MTHFSD: variants seen among roughly 807,000 people sequenced by gnomAD.
The protein encoded by MTHFSD is methenyltetrahydrofolate synthetase domain containing.
A neutral mutation model predicts 31.1 loss-of-function variants in MTHFSD; 37 were observed. The ratio of observed to expected loss-of-function variants is 1.19; its 90% CI spans 0.91 to 1.56. The LOEUF is 1.56. Ranked by LOEUF, MTHFSD falls within the 40% of genes most tolerant of loss-of-function variation. The pLI, the probability that MTHFSD is intolerant of heterozygous loss-of-function variation, is 0.00. For missense variants in MTHFSD, 664 were observed against 510.1 expected, an observed-to-expected ratio of 1.30 and a Z score of -2.91; for synonymous variants, 221 against 206.9, an observed-to-expected ratio of 1.07 and a Z score of -0.59.
At chr16:86,535,914 A>C (rs1970628724) in intron 7 of MTHFSD, among the ~76,000 whole-genome samples, 1 of 152,096 alleles carries the variant, frequency 6.6e-6, no homozygotes, top group Non-Finnish European at 1.5e-5. Flanking sequence ...CAGTGGCACA[A>C]CTCATAGCTC....
chr16:86,539,947 TATA>T (rs368240742), intron 7 of MTHFSD, among the ~76,000 whole-genome samples: 9 of 152,294 alleles, frequency 5.9e-5, no homozygotes, highest in Non-Finnish European at 1.2e-4. Context: ...AACCTATCAC[TATA>T]ATATCATGGA....
rs376801434 is a variant in MTHFSD at position 86,532,169 on chromosome 16, C to A, written c.994G>T (p.Val332Leu). Reference protein sequence around the residue: ...LKRALRELGSVPLRLTWQGPR... With the variant: ...LKRALRELGSLPLRLTWQGPR... Reference sequence around the variant, plus strand: ...CCCTGCCAGGTGAGCCGCAGGGGCACGGAGCCGAGTTCCCGCAGGGCTCTC... The same window carrying A: ...CCCTGCCAGGTGAGCCGCAGGGGCAAGGAGCCGAGTTCCCGCAGGGCTCTC... Residue 332 changes from valine to leucine, a missense_variant, in exon 8 of 8, where the codon GTG becomes TTG. Physicochemically the swap from Val to Leu is conservative, Grantham distance 32. Coordinates refer to ENST00000360900, the MANE Select transcript of MTHFSD (RefSeq NM_001159377.2). The A allele has an allele frequency of 6.4e-6, 10 of 1,572,086 alleles. No homozygotes were observed. Among genetic ancestry groups the A allele is most frequent in the African/African-American group, 1.4e-5 (1 of 73,634 alleles).
At chr16:86,547,028 C>T (rs891378268) in intron 4 of MTHFSD, 23 of 466,800 alleles carry the variant, frequency 4.9e-5, no homozygotes, top group African/African-American at 4.4e-4. Flanking sequence ...GGCTGGAGCT[C>T]TCTGAGCCTC....
intron 3 of MTHFSD, among the ~76,000 whole-genome samples, chr16:86,551,585 G>A (rs1288221382): frequency 6.6e-6 from 1 of 152,296 alleles, no homozygotes; most frequent in South Asian, 2.1e-4. Context: ...GTTCTTAACC[G>A]TGGTCTTTAT....
At chr16:86,543,181 G>C (rs1354406032) in intron 5 of MTHFSD, among the ~76,000 whole-genome samples, 1 of 152,224 alleles carries the variant, frequency 6.6e-6, no homozygotes, top group East Asian at 1.9e-4. Flanking sequence ...TCCTAATTAG[G>C]TGCAAATCAA....
chr16:86,530,695 G>A lies in MTHFSD; in HGVS notation c.*1316C>T, dbSNP rs1325091747. 6.6e-6 allele frequency: 1 copy of A among 152,242 alleles called. No homozygotes were observed. Among genetic ancestry groups the A allele is most frequent in the African/African-American group, 2.4e-5 (1 of 41,458 alleles). 9.4% of individuals were successfully genotyped at this position (152,242 alleles called of 1,614,324 possible). The stretch of plus-strand genomic sequence containing the variant: ...GAGAAAAGAAGGTGAGGAGTTCAGT[G>A]TAACCAGGTGACTACTCTGAACTGG... On this transcript the variant is annotated 3_prime_UTR_variant, in exon 8 of 8. Transcript: ENST00000360900.
At chr16:86,553,974 C>A (rs1973617127) in intron 2 of MTHFSD, among the ~76,000 whole-genome samples, 1 of 152,178 alleles carries the variant, frequency 6.6e-6, no homozygotes, top group South Asian at 2.1e-4. Flanking sequence ...TTGTGTCTAG[C>A]TCAGGGATTG....
chr16:86,535,979 T>C (rs1035786078), intron 7 of MTHFSD, among the ~76,000 whole-genome samples: 3 of 152,154 alleles, frequency 2.0e-5, no homozygotes, highest in African/African-American at 7.2e-5. Flanking sequence ...GCCTCCCAAG[T>C]AGCTGGCACT....
At chr16:86,546,343 A>T (rs1194480590) in intron 5 of MTHFSD, among the ~76,000 whole-genome samples, 2 of 152,242 alleles carry the variant, frequency 1.3e-5, no homozygotes, top group Non-Finnish European at 2.9e-5. Context: ...TTTCCTGCTA[A>T]GAAAAGTGAA....
At chr16:86,536,604 C>T (rs1970725945) in intron 7 of MTHFSD, among the ~76,000 whole-genome samples, 2 of 152,250 alleles carry the variant, frequency 1.3e-5, no homozygotes, top group African/African-American at 4.8e-5. Flanking sequence ...TGTACCCCAA[C>T]ATCAGGAAGG....
rs1970086541 is a variant in MTHFSD at position 86,532,344 on chromosome 16, CAG to C, written c.817_818del (p.Leu273GlufsTer48). On this transcript the variant is annotated frameshift_variant, in exon 8 of 8. Transcript: ENST00000360900. LOFTEE classifies it low-confidence loss of function (END_TRUNC). ...TGTCCGGGGGCCTCCTGCCAACACT[CAG>C]GGGCACTGTCTGCTGGCAGCCTGGT... is the stretch of plus-strand genomic sequence containing the variant. ...PEPGCQQTVP[L>X]SVGRRPPDTP... is the part of the protein sequence containing the mutation. The C allele has an allele frequency of 1.3e-6, 2 of 1,593,348 alleles. No individual in the cohort carries two copies. The highest frequency in any genetic ancestry group is 1.7e-6 in the Non-Finnish European group (2 of 1,170,608).
chr16:86,548,510 G>C lies in MTHFSD; in HGVS notation c.305C>G (p.Pro102Arg). The change falls in exon 4 of 8, where the codon CCC (proline) becomes CGC (arginine). Residue 102 changes from proline (P) to arginine (R), a missense_variant. Physicochemically the swap from Pro to Arg is moderately radical, Grantham distance 103. Transcript: ENST00000360900. ...RTGLFNKITP[P>R]PGATKDILRK... Reference sequence around the variant, plus strand: ...CAAGATGTCTTTAGTTGCCCCAGGGGGTGGTGTGATCTTATTAAACAATCC... The same window carrying C: ...CAAGATGTCTTTAGTTGCCCCAGGGCGTGGTGTGATCTTATTAAACAATCC... 1.2e-6 allele frequency: 2 copies of C among 1,613,850 alleles called. No individual in the cohort carries two copies. Among genetic ancestry groups the C allele is most frequent in the Non-Finnish European group, 1.7e-6 (2 of 1,179,950 alleles).
At chr16:86,538,083 T>C (rs1365863275) in intron 7 of MTHFSD, among the ~76,000 whole-genome samples, 1 of 152,252 alleles carries the variant, frequency 6.6e-6, no homozygotes, top group Non-Finnish European at 1.5e-5. Flanking sequence ...GACCACAGGC[T>C]TGTGGGTGCC....
rs537828690 is a variant in MTHFSD at position 86,553,439 on chromosome 16, G to A, written c.123+1206C>T. 1.1e-3 allele frequency: 163 copies of A among 152,872 alleles called. 1 individual carries two copies. The highest frequency in any genetic ancestry group is 2.3e-3 in the East Asian group (12 of 5,196). The allele number at this position is 152,872 out of a possible 1,614,324, so 9.5% of individuals were successfully genotyped here. On this transcript the variant is annotated intron_variant, in intron 2 of 7. Transcript: ENST00000360900. ...CTGGGCGGTGTGGAGGGAGAGGCGC[G>A]GGCGGGAACTGCTGCTGTGCATGGT...
Position 86,541,692 on chromosome 16 carries a change from C to CCCACCTTGAA in MTHFSD, c.676_681+4dup. On this transcript the variant is annotated splice_donor_region_variant and intron_variant, in intron 7 of 7. Transcript: ENST00000360900. ...AGGCCAGAGCTGGCCACTGCCGTGA[C>CCCACCTTGAA]CCACCTTGAACCAGGTGATTCCCAT... 6.2e-7 allele frequency: 1 copy of CCCACCTTGAA among 1,612,388 alleles called. No individual in the cohort carries two copies. Among genetic ancestry groups the CCCACCTTGAA allele is most frequent in the South Asian group, 1.1e-5 (1 of 90,516 alleles).
rs373861750 is a variant in MTHFSD at position 86,554,014 on chromosome 16, CGGACCAATCGGCTCTCTGTAAAAT to C, written c.123+607_123+630del. Among the ~76,000 whole-genome samples, 13 of 152,246 alleles carry C rather than the reference CGGACCAATCGGCTCTCTGTAAAAT, an allele frequency of 8.5e-5. No homozygotes were observed. The East Asian group carries it at 1.5e-3, about 18-fold the overall frequency. On this transcript the variant is annotated intron_variant, in intron 2 of 7. Transcript: ENST00000360900. The stretch of plus-strand genomic sequence containing the variant: ...CGCACCAATCAGCATCCTGTCAAAA[CGGACCAATCGGCTCTCTGTAAAAT>C]GGACCAATCAGCAGGATGTGGGTGG...
At chr16:86,537,680 G>T (rs544374150) in intron 7 of MTHFSD, among the ~76,000 whole-genome samples, 2 of 152,350 alleles carry the variant, frequency 1.3e-5, no homozygotes, top group South Asian at 4.1e-4. Flanking sequence ...TCCCAGGACT[G>T]CTGCTCACAG....
chr16:86,553,926 T>G (rs1973603646), intron 2 of MTHFSD, among the ~76,000 whole-genome samples: 1 of 152,168 alleles, frequency 6.6e-6, no homozygotes, highest in South Asian at 2.1e-4. Flanking sequence ...CAATGGGCAC[T>G]CTGTATGTAG....
At chr16:86,535,691 G>A (rs943110812) in intron 7 of MTHFSD, among the ~76,000 whole-genome samples, 4 of 152,104 alleles carry the variant, frequency 2.6e-5, no homozygotes, top group Admixed American at 1.3e-4. Flanking sequence ...CAAGATTTCC[G>A]ATTGAGAGTC....
Sources: gnomAD v4.1 joint callset for allele counts (sites outside exome capture counted in the v4.1 genomes callset) on GRCh38, gnomAD v4.1.1 for gene constraint, MANE v1.5 for transcripts, NCBI Gene and HGNC (gene_info 2026-07-23, HGNC 2026-07-21) for gene names.